The following KLHL41 variants were observed in gnomAD, a reference collection of about 807,000 sequenced individuals.
KLHL41 encodes kelch like family member 41.
Under a neutral mutation model 49.2 loss-of-function variants are expected in KLHL41, and 31 were observed. The observed-to-expected ratio is 0.63, with a 90% CI of 0.47 to 0.85. The LOEUF is 0.85. Among genes scored for constraint, KLHL41 ranks in the 40% least tolerant of loss-of-function variants. KLHL41 has a pLI of 0.00. For missense variants in KLHL41, 663 were observed against 726.7 expected (o/e 0.91, Z 1.01); for synonymous variants, 218 against 258.5 (o/e 0.84, Z 1.50).
At chr2:169,518,501 A>G (rs1029957883) in intron 4 of KLHL41, 126 bp downstream of exon 4, 6 of 634,914 alleles carry the variant, frequency 9.5e-6, no homozygotes, top group Non-Finnish European at 1.6e-5. Context: ...CAGATTACAA[A>G]GGAAGTATTT....
At chr2:169,525,428 T>C (rs1684288620) in intron 5 of KLHL41, among the ~76,000 whole-genome samples, 157 bp from the exon 6 acceptor site, 1 of 152,244 alleles carries the variant, frequency 6.6e-6, no homozygotes, top group Admixed American at 6.5e-5. Context: ...ACAATGCATA[T>C]TTGGGAGATA....
chr2:169,512,381 G>C (rs1574350264), intron 1 of KLHL41, among the ~76,000 whole-genome samples: 1 of 152,042 alleles, frequency 6.6e-6, no homozygotes, highest in Non-Finnish European at 1.5e-5. Context: ...CAGACATATA[G>C]GTAGATACCT....
chr2:169,524,556 C>T (rs1684267633), intron 5 of KLHL41, among the ~76,000 whole-genome samples: 1 of 151,546 alleles, frequency 6.6e-6, no homozygotes, highest in African/African-American at 2.4e-5. Context: ...CACTACCATG[C>T]CTGGCTAATT....
rs1158813873 is a variant in KLHL41 at position 169,513,613 on chromosome 2, CCT to C, written c.1111-960_1111-959del. Among the ~76,000 whole-genome samples, 4 of 152,284 alleles carry C rather than the reference CCT, an allele frequency of 2.6e-5. No homozygotes were observed. In the East Asian group the frequency reaches 5.8e-4, roughly 22 times the overall value. ...ATATAGATAGGCTTCCACAGACACC[CCT>C]GTCTATACCACAGCCATTTGTATGC... On this transcript the variant is annotated intron_variant, in intron 1 of 5. Transcript: ENST00000284669.
intron 5 of KLHL41, 121 bp downstream of exon 5, chr2:169,521,128 TA>T (rs1684197339): frequency 1.2e-6 from 1 of 838,996 alleles, no homozygotes; most frequent in Non-Finnish European, 1.9e-6. Flanking sequence ...GGTAGTAGAC[TA>T]AACACTTCAA....
At position 169,522,705 on chromosome 2, in the gene KLHL41, A is replaced by ATTTTTTTTTTTTTT. The variant is rs60635668; in HGVS notation, c.1709+1717_1709+1730dup. Among the ~76,000 whole-genome samples the ATTTTTTTTTTTTTT allele has an allele frequency of 1.0e-4, 5 of 50,126 alleles. 1 individual carries two copies. Among genetic ancestry groups the ATTTTTTTTTTTTTT allele is most frequent in the South Asian group, 1.2e-3 (1 of 822 alleles). 32.9% of individuals were successfully genotyped at this position (50,126 alleles called of 152,430 possible). On this transcript the variant is annotated intron_variant, in intron 5 of 5. Transcript: ENST00000284669. ...CCTAGTTCCTAAAACCTTCCCAGTG[A>ATTTTTTTTTTTTTT]TTTTTTTTTTTTTTTTTTTTTTTTT...
At chr2:169,518,109 C>T in intron 3 of KLHL41, 81 bp from the exon 4 acceptor site, 1 of 953,310 alleles carries the variant, frequency 1.0e-6, no homozygotes, top group Non-Finnish European at 1.6e-6. Context: ...ATATATTTTT[C>T]ATGACAAGCA....
intron 5 of KLHL41, 144 bp downstream of exon 5, chr2:169,521,151 C>G: frequency 1.5e-6 from 1 of 674,778 alleles, no homozygotes; most frequent in African/African-American, 1.8e-5. Context: ...CCTAATTGAA[C>G]TTCTGTACAT....
At chr2:169,513,315 A>G (rs1270603814) in intron 1 of KLHL41, among the ~76,000 whole-genome samples, 4 of 152,184 alleles carry the variant, frequency 2.6e-5, no homozygotes, top group Non-Finnish European at 5.9e-5. Context: ...AGAAATGCCT[A>G]TCCTGGAGAA....
intron 4 of KLHL41, among the ~76,000 whole-genome samples, 172 bp downstream of exon 4, chr2:169,518,547 T>A (rs1684151588): frequency 6.6e-6 from 1 of 152,210 alleles, no homozygotes. Flanking sequence ...TGGATGTAAA[T>A]CTTGTCTAAC....
chr2:169,510,933 G>A lies in KLHL41; in HGVS notation c.1110+45G>A. ...TATGTAGTTGCTTAAAGGGAAGGCT[G>A]TTACTCACCATCCAGTTAGCCAATT... On this transcript the variant is annotated intron_variant, in intron 1 of 5. Transcript: ENST00000284669. This position sits in a 1 kb window ranked among gnomAD's most constrained non-coding sequence, Gnocchi z 4.2. The A allele has an allele frequency of 6.6e-7, 1 of 1,511,512 alleles. No homozygotes were observed. Among genetic ancestry groups the A allele is most frequent in the East Asian group, 2.3e-5 (1 of 44,320 alleles). The allele number at this position is 1,511,512 out of a possible 1,614,324, so 93.6% of individuals were successfully genotyped here.
Position 169,525,863 on chromosome 2 carries a change from C to T in KLHL41, c.*167C>T. On this transcript the variant is annotated 3_prime_UTR_variant, in exon 6 of 6. Coordinates refer to ENST00000284669, the MANE Select transcript of KLHL41 (RefSeq NM_006063.3). ...AAGAAAACCTCAGTCATTGACTCTT[C>T]AATGTAATGATCAGAGTTTAAAACC... 4.4e-6 allele frequency: 2 copies of T among 450,458 alleles called. No individual in the cohort carries two copies. Among genetic ancestry groups the T allele is most frequent in the East Asian group, 6.5e-5 (2 of 30,592 alleles). The allele number at this position is 450,458 out of a possible 1,614,324, so 27.9% of individuals were successfully genotyped here. A position where few individuals can be genotyped will look rare whatever the true frequency, so the allele number is the denominator to read the frequency against.
rs1684298846 is a variant in KLHL41 at position 169,525,936 on chromosome 2, A to AATC, written c.*241_*243dup. ...CTTCAGTTGAACAAATTATTTTGTG[A>AATC]ATCTGTTTCACTCAATGGATTGTAA... On this transcript the variant is annotated 3_prime_UTR_variant, in exon 6 of 6. Transcript: ENST00000284669. 3.2e-6 allele frequency: 1 copy of AATC among 315,390 alleles called. No individual in the cohort carries two copies. The highest frequency in any genetic ancestry group is 5.8e-6 in the Non-Finnish European group (1 of 173,440). 19.5% of individuals were successfully genotyped at this position (315,390 alleles called of 1,614,324 possible).
intron 5 of KLHL41, among the ~76,000 whole-genome samples, chr2:169,525,332 G>T (rs1684285205): frequency 6.6e-6 from 1 of 152,198 alleles, no homozygotes; most frequent in Non-Finnish European, 1.5e-5. Context: ...CCTCTTCTCT[G>T]CAGTCTTTGA....
In KLHL41 at chr2:169,514,726, T is replaced by C; in HGVS notation, c.1263T>C (p.Asp421=). Residue 421 remains aspartate (D), a synonymous_variant, in exon 2 of 6, where the codon GAT becomes GAC. Coordinates refer to ENST00000284669, the MANE Select transcript of KLHL41 (RefSeq NM_006063.3). ...EASLDSVLCY[D]PVAAKWNEVK... ...CGCTGGATTCAGTATTATGCTATGA[T>C]CCTGTGTAAGTTGGCATGATATTCC... 2 of 1,613,978 alleles carry C rather than the reference T, an allele frequency of 1.2e-6. No individual in the cohort carries two copies. Among genetic ancestry groups the C allele is most frequent in the Non-Finnish European group, 1.7e-6 (2 of 1,179,934 alleles).
At chr2:169,525,095 C>A (rs1684281684) in intron 5 of KLHL41, among the ~76,000 whole-genome samples, 1 of 152,102 alleles carries the variant, frequency 6.6e-6, no homozygotes, top group Admixed American at 6.6e-5. Flanking sequence ...TCAAACAGAA[C>A]AATAAAGGGG....
intron 3 of KLHL41, among the ~76,000 whole-genome samples, chr2:169,515,673 A>C (rs1684106233): frequency 6.6e-6 from 1 of 152,234 alleles, no homozygotes; most frequent in Non-Finnish European, 1.5e-5. Context: ...GTGCATAAAA[A>C]ATATCATGGA....
rs1684206562 is a variant in KLHL41 at position 169,521,672 on chromosome 2, C to T, written c.1709+665C>T. Among the ~76,000 whole-genome samples the T allele has an allele frequency of 4.6e-5, 7 of 152,326 alleles. No individual in the cohort carries two copies. The South Asian group carries it at 1.5e-3, about 32-fold the overall frequency. ...TCTCCCAAAGTGCTAGGATTACAGGCGTGAGCCACGTACCCAGCCTAAAGA... is the reference window on the plus strand; with the variant it reads ...TCTCCCAAAGTGCTAGGATTACAGGTGTGAGCCACGTACCCAGCCTAAAGA... On this transcript the variant is annotated intron_variant, in intron 5 of 5. Coordinates refer to ENST00000284669, the MANE Select transcript of KLHL41 (RefSeq NM_006063.3).
chr2:169,520,993 C>A lies in KLHL41; in HGVS notation c.1695C>A (p.Val565=), dbSNP rs1199549139. The change falls in exon 5 of 6, where the codon GTC becomes GTA. Residue 565 remains valine (V), a synonymous_variant. Coordinates refer to ENST00000284669, the MANE Select transcript of KLHL41 (RefSeq NM_006063.3). ...CTAAAGAATTTGCACCCACTGAAGTCAATGACATATGGAAGTAAGTTCTCA... is the reference window on the plus strand; with the variant it reads ...CTAAAGAATTTGCACCCACTGAAGTAAATGACATATGGAAGTAAGTTCTCA... ...LESKEFAPTE[V]NDIWKYEDDK... 1.2e-6 allele frequency: 2 copies of A among 1,613,490 alleles called. No homozygotes were observed. The highest frequency in any genetic ancestry group is 3.3e-5 in the Admixed American group (2 of 59,916).
Sources: allele counts gnomAD v4.1 joint callset (sites outside exome capture counted in the v4.1 genomes callset), GRCh38; gene constraint gnomAD v4.1.1; non-coding constraint Gnocchi (gnomAD v3.1); transcripts MANE v1.5; gene names NCBI Gene and HGNC (gene_info 2026-07-23, HGNC 2026-07-21).